NEB: variants seen among roughly 807,000 people sequenced by gnomAD.
NEB encodes nemaline myopathy type 2.
NEB carries 512 observed loss-of-function variants against 952.2 expected under a neutral mutation model. The ratio of observed to expected loss-of-function variants is 0.54; its 90% confidence interval spans 0.50 to 0.58. The LOEUF (loss-of-function observed/expected upper bound fraction) is 0.58. NEB is among the 20% of genes least tolerant of loss of function. The pLI, the probability that NEB is intolerant of heterozygous loss-of-function variation, is 0.00. For synonymous variants in NEB, 2,900 were observed against 3,149.8 expected (o/e 0.92, Z 2.66); for missense variants, 8,428 against 9,231.1 (o/e 0.91, Z 3.56).
rs1210120464 is a variant in NEB, at chr2:151,695,643, A to C, written c.1609T>G (p.Cys537Gly). Reference protein sequence around the residue: ...KAKHESEKFKCHIPPDTPAFI... With the variant: ...KAKHESEKFKGHIPPDTPAFI... ...GCAGGAGTATCAGGGGGGATATGGC[A>C]CTTGAACTTTTCACTTTCATGTTTT... Residue 537 changes from cysteine to glycine, a missense_variant, in exon 18 of 182, where the codon TGC (cysteine) becomes GGC (glycine). Cys to Gly is a radical substitution (Grantham distance 159). This residue lies in a region of NEB where 2,851 missense variants were observed against 2,791.5 expected (regional missense o/e 1.02). Coordinates refer to ENST00000397345, the MANE Select transcript of NEB (RefSeq NM_001164508.2). 13 of 1,613,840 alleles carry C rather than the reference A, an allele frequency of 8.1e-6. No homozygotes were observed. Among genetic ancestry groups the C allele is most frequent in the Non-Finnish European group, 1.1e-5 (13 of 1,179,864 alleles).
intron 38 of NEB, among the ~76,000 whole-genome samples, chr2:151,670,514 T>C (rs1218139654): frequency 9.9e-5 from 15 of 152,034 alleles, no homozygotes; most frequent in Admixed American, 9.2e-4. Context: ...TAAGAGTCCA[T>C]ACAGACGTGG....
chr2:151,660,409 T>C (rs1046470136), intron 46 of NEB, among the ~76,000 whole-genome samples: 1 of 152,240 alleles, frequency 6.6e-6, no homozygotes, highest in East Asian at 1.9e-4. Context: ...AGGATTTCTA[T>C]AGGGTAATGA....
chr2:151,656,522 A>G (rs2099086996), intron 48 of NEB, 58 bp from the exon 49 acceptor site: 2 of 1,078,762 alleles, frequency 1.9e-6, no homozygotes, highest in Non-Finnish European at 2.6e-6. Context: ...AAATCGATCT[A>G]GTGTCAATAT....
At chr2:151,639,227 T>C (rs1346210897) in intron 63 of NEB, 53 bp downstream of exon 63, 2 of 1,334,242 alleles carry the variant, frequency 1.5e-6, no homozygotes, top group Non-Finnish European at 2.1e-6. Context: ...CATCATAGAG[T>C]AGATCAACTG....
In NEB at chr2:151,512,178, C is replaced by T. The variant is rs2075003701; in HGVS notation, c.23346+555G>A. ...CCCAAGTAGCTGGGACTACAGGTGCCTGCCACCACGCCCGGCTAATTTTTG... is the reference window on the plus strand; with the variant it reads ...CCCAAGTAGCTGGGACTACAGGTGCTTGCCACCACGCCCGGCTAATTTTTG... On this transcript the variant is annotated intron_variant, in intron 161 of 181. Coordinates refer to ENST00000397345, the MANE Select transcript of NEB (RefSeq NM_001164508.2). Among the ~76,000 whole-genome samples, 4 of 151,772 alleles carry T rather than the reference C, an allele frequency of 2.6e-5. No individual in the cohort carries two copies. In the South Asian group the frequency reaches 8.3e-4, roughly 32 times the overall value.
In NEB at chr2:151,570,488, G is replaced by T. The variant is rs1184874575; in HGVS notation, c.17118+9C>A. 1 of 1,591,752 alleles carries T rather than the reference G, an allele frequency of 6.3e-7. No homozygotes were observed. The highest frequency in any genetic ancestry group is 2.2e-5 in the East Asian group (1 of 44,640). ...AAAAAAAACTGAGAAGTTAAAAAAG[G>T]CCACTCACGTCACTGGCAATCTCCC... On this transcript the variant is annotated intron_variant, in intron 108 of 181. Coordinates refer to ENST00000397345, the MANE Select transcript of NEB (RefSeq NM_001164508.2).
chr2:151,705,192 G>T (rs2149788807), intron 13 of NEB, among the ~76,000 whole-genome samples: 2 of 151,952 alleles, frequency 1.3e-5, no homozygotes, highest in Admixed American at 1.3e-4. Flanking sequence ...TATATGAACT[G>T]GTACTAAGAG....
chr2:151,556,682 C>A (rs747461182), intron 124 of NEB, among the ~76,000 whole-genome samples: 23 of 152,074 alleles, frequency 1.5e-4, no homozygotes, highest in Non-Finnish European at 3.1e-4. Flanking sequence ...TATATACACA[C>A]CCAACACAGG....
intron 37 of NEB, 122 bp from the exon 38 acceptor site, chr2:151,671,351 G>C (rs2099286832): frequency 2.6e-6 from 2 of 774,060 alleles, no homozygotes; most frequent in Admixed American, 2.4e-5. Flanking sequence ...ATGTCTGACT[G>C]TCTGTCACAG....
intron 135 of NEB, 81 bp from the exon 136 acceptor site, chr2:151,541,632 C>T (rs946393358): frequency 9.0e-7 from 1 of 1,111,500 alleles, no homozygotes; most frequent in Non-Finnish European, 1.3e-6. Flanking sequence ...ACTGCTTTTA[C>T]ATAGAAAAGG....
At chr2:151,675,507 G>T in intron 34 of NEB, 116 bp from the exon 35 acceptor site, 12 of 650,028 alleles carry the variant, frequency 1.8e-5, no homozygotes, top group South Asian at 4.5e-5. Context: ...ATCATCAAAG[G>T]CATTTTCCTA....
In NEB at chr2:151,612,207, AT is replaced by A; in HGVS notation, c.11783del (p.Asn3928IlefsTer4). ...TCACCTTGCTCATTGTCAGGGCATTATTCTTTGCTAGGACAATTTCCGGAGT... is the reference window on the plus strand; with the variant it reads ...TCACCTTGCTCATTGTCAGGGCATTATCTTTGCTAGGACAATTTCCGGAGT... Reference protein sequence around the residue: ...TDTPEIVLAKNNALTMSKHLY... With the variant: ...TDTPEIVLAKXNALTMSKHLY... On this transcript the variant is annotated frameshift_variant, in exon 78 of 182. Coordinates refer to ENST00000397345, the MANE Select transcript of NEB (RefSeq NM_001164508.2). LOFTEE classifies it high-confidence loss of function. 6.2e-7 allele frequency: 1 copy of A among 1,613,760 alleles called. No homozygotes were observed. The highest frequency in any genetic ancestry group is 8.5e-7 in the Non-Finnish European group (1 of 1,179,774).
chr2:151,723,530 G>T (rs142204833), intron 8 of NEB, 44 bp from the exon 9 acceptor site: 10 of 1,362,854 alleles, frequency 7.3e-6, no homozygotes, highest in South Asian at 5.0e-5. Flanking sequence ...GTAGGGTCAC[G>T]TTTACACAAA....
chr2:151,502,743 T>C, intron 167 of NEB, 50 bp downstream of exon 167: 1 of 1,019,488 alleles, frequency 9.8e-7, no homozygotes, highest in Non-Finnish European at 1.5e-6. Flanking sequence ...GGTGTTATTA[T>C]TTTAAATAAA....
At chr2:151,698,931 C>T (rs2099622675) in intron 13 of NEB, among the ~76,000 whole-genome samples, 1 of 146,088 alleles carries the variant, frequency 6.8e-6, no homozygotes, top group African/African-American at 2.5e-5. Flanking sequence ...AGGTTAGTTA[C>T]ATATGTATAC....
At chr2:151,701,387 G>A (rs922848124) in intron 13 of NEB, among the ~76,000 whole-genome samples, 1 of 151,252 alleles carries the variant, frequency 6.6e-6, no homozygotes, top group African/African-American at 2.4e-5. Context: ...CATAAAATGA[G>A]TTAGGGAGGA....
At chr2:151,697,676 G>T in intron 13 of NEB, 28 bp from the exon 14 acceptor site, 1 of 1,452,140 alleles carries the variant, frequency 6.9e-7, no homozygotes, top group Non-Finnish European at 9.5e-7. Flanking sequence ...TTCAGTTAAA[G>T]TAGATTCCTG....
At chr2:151,525,613 G>A (rs975202558) in intron 150 of NEB, among the ~76,000 whole-genome samples, 1 of 152,176 alleles carries the variant, frequency 6.6e-6, no homozygotes, top group Non-Finnish European at 1.5e-5. Flanking sequence ...AGATTACTGA[G>A]GCCCAAAGAG....
At chr2:151,717,979 G>A (rs1189440091) in intron 9 of NEB, among the ~76,000 whole-genome samples, 3 of 150,988 alleles carry the variant, frequency 2.0e-5, no homozygotes, top group Admixed American at 6.6e-5. Context: ...TCAGCCTCCC[G>A]AGCAGCTGGG....
Sources: allele counts gnomAD v4.1 joint callset (sites outside exome capture counted in the v4.1 genomes callset), GRCh38; gene constraint gnomAD v4.1.1; regional missense constraint gnomAD v4.1.1; transcripts MANE v1.5; gene names NCBI Gene and HGNC (gene_info 2026-07-23, HGNC 2026-07-21).